The following SLC35F1 variants were observed in gnomAD, a reference collection of about 807,000 sequenced individuals.
SLC35F1 encodes the protein chromosome 6 open reading frame 169.
Under a neutral mutation model 48.7 loss-of-function variants are expected in SLC35F1, and 14 were observed. That is an observed-to-expected ratio of 0.29 (90% confidence interval 0.19 to 0.45). The LOEUF is 0.45. Ranked by LOEUF, SLC35F1 falls within the 20% of genes least tolerant of loss-of-function variation. SLC35F1 has a pLI of 1.00. For missense variants in SLC35F1, 404 were observed against 500.0 expected (o/e 0.81, Z 1.83); for synonymous variants, 190 against 202.2 (o/e 0.94, Z 0.51).
At chr6:118,033,553 C>T (rs1218373056) in intron 1 of SLC35F1, among the ~76,000 whole-genome samples, 2 of 151,370 alleles carry the variant, frequency 1.3e-5, no homozygotes, top group East Asian at 3.9e-4. Flanking sequence ...TTAAAACATC[C>T]CATTGAGGAA....
chr6:118,224,221 G>A (rs997280911), intron 2 of SLC35F1, among the ~76,000 whole-genome samples: 1 of 152,118 alleles, frequency 6.6e-6, no homozygotes, highest in Non-Finnish European at 1.5e-5. Context: ...GTATAGCCAA[G>A]CTATCATTAA....
intron 2 of SLC35F1, among the ~76,000 whole-genome samples, chr6:118,185,487 C>T (rs1032369874): frequency 6.6e-6 from 1 of 152,112 alleles, no homozygotes; most frequent in Non-Finnish European, 1.5e-5. Flanking sequence ...TATCTAGCCA[C>T]GAAATCAACA....
intron 1 of SLC35F1, among the ~76,000 whole-genome samples, chr6:117,932,143 G>T (rs1457040708): frequency 6.6e-6 from 1 of 152,130 alleles, no homozygotes; most frequent in Admixed American, 6.5e-5. Context: ...ACTGTGTGAG[G>T]ACGCAGCAAA....
At position 118,222,399 on chromosome 6, in the gene SLC35F1, C is replaced by CT. The variant is rs71272359; in HGVS notation, c.350-13099dup. Among the ~76,000 whole-genome samples the CT allele has an allele frequency of 4.3e-3, 619 of 143,814 alleles. 2 individuals carry two copies. The highest frequency in any genetic ancestry group is 0.012 in the East Asian group (60 of 4,992). The allele number at this position is 143,814 out of a possible 152,430, so 94.3% of individuals were successfully genotyped here. On this transcript the variant is annotated intron_variant, in intron 2 of 7. Transcript: ENST00000360388. The stretch of plus-strand genomic sequence containing the variant: ...ACAAAGACTTGATCAAATTTAGGTG[C>CT]TTTTTTTTTTTCTTTTTGGAACCAC...
At chr6:118,163,156 G>T (rs1774264284) in intron 2 of SLC35F1, among the ~76,000 whole-genome samples, 1 of 151,828 alleles carries the variant, frequency 6.6e-6, no homozygotes, top group Non-Finnish European at 1.5e-5. Context: ...TGGAGACGGG[G>T]TTTCACCATG....
chr6:118,236,362 C>A (rs1775365436), intron 3 of SLC35F1, among the ~76,000 whole-genome samples: 1 of 152,150 alleles, frequency 6.6e-6, no homozygotes, highest in African/African-American at 2.4e-5. Flanking sequence ...ATCTTCACTT[C>A]TTTTTATATG....
chr6:118,067,365 G>C (rs1457980850), intron 1 of SLC35F1, among the ~76,000 whole-genome samples: 1 of 152,164 alleles, frequency 6.6e-6, no homozygotes, highest in Non-Finnish European at 1.5e-5. Context: ...CAGATTAAGA[G>C]TCATCAAGGT....
chr6:118,243,373 C>T (rs1018091643), intron 3 of SLC35F1, among the ~76,000 whole-genome samples: 1 of 152,086 alleles, frequency 6.6e-6, no homozygotes, highest in Non-Finnish European at 1.5e-5. Flanking sequence ...CAGCACTTTG[C>T]GAGGCTCAGA....
Position 117,910,807 on chromosome 6 carries a change from C to T in SLC35F1, c.173+2908C>T, listed in dbSNP as rs76970128. 4.5e-4 allele frequency among the ~76,000 whole-genome samples: 69 copies of T among 152,308 alleles called. 2 individuals are homozygous for T. The East Asian group carries it at 0.013, about 29-fold the overall frequency. ...GCCTGGCGAATTGCCTGCCATTGGT[C>T]ACAGTCTACAGGAACAGCTATCTGA... is the stretch of plus-strand genomic sequence containing the variant. On this transcript the variant is annotated intron_variant, in intron 1 of 7. Transcript: ENST00000360388.
intron 2 of SLC35F1, among the ~76,000 whole-genome samples, chr6:118,201,015 G>A (rs1008814556): frequency 7.2e-5 from 11 of 152,056 alleles, no homozygotes; most frequent in African/African-American, 7.2e-5. Context: ...CCTCCTGAGC[G>A]ATCTTCCCAC....
At chr6:118,174,651 G>A (rs1329966724) in intron 2 of SLC35F1, among the ~76,000 whole-genome samples, 1 of 152,074 alleles carries the variant, frequency 6.6e-6, no homozygotes, top group Non-Finnish European at 1.5e-5. Flanking sequence ...GATAATAGCT[G>A]AGAATTTTCC....
chr6:118,030,850 T>C (rs1772034871), intron 1 of SLC35F1, among the ~76,000 whole-genome samples: 1 of 152,208 alleles, frequency 6.6e-6, no homozygotes, highest in Non-Finnish European at 1.5e-5. Context: ...CAGAGGGTCA[T>C]TTTATATTCC....
intron 1 of SLC35F1, among the ~76,000 whole-genome samples, chr6:117,914,604 G>C (rs1479457739): frequency 6.6e-6 from 1 of 152,152 alleles, no homozygotes; most frequent in Non-Finnish European, 1.5e-5. Flanking sequence ...GGCTAGTATG[G>C]CCTCTGGGTG....
intron 2 of SLC35F1, among the ~76,000 whole-genome samples, chr6:118,214,620 TAA>T (rs2114553722): frequency 6.6e-6 from 1 of 152,290 alleles, no homozygotes; most frequent in South Asian, 2.1e-4. Context: ...ATACAATTAA[TAA>T]GTCAAGCACA....
chr6:118,277,649 T>A, intron 6 of SLC35F1, 103 bp downstream of exon 6: 1 of 971,440 alleles, frequency 1.0e-6, no homozygotes, highest in Non-Finnish European at 1.7e-6. Flanking sequence ...GGATTTAGAG[T>A]GGTAGGGGAC....
intron 1 of SLC35F1, among the ~76,000 whole-genome samples, chr6:117,997,658 C>T (rs1191227533): frequency 6.6e-6 from 1 of 152,204 alleles, no homozygotes; most frequent in Non-Finnish European, 1.5e-5. Flanking sequence ...CCCAGAATTT[C>T]ATATCCAGCC....
intron 2 of SLC35F1, among the ~76,000 whole-genome samples, chr6:118,216,256 A>T (rs1333224823): frequency 3.3e-5 from 5 of 150,228 alleles, no homozygotes; most frequent in East Asian, 2.0e-4. Context: ...TTTTTTTTTT[A>T]ATTTTTGTAG....
At chr6:118,021,485 T>C (rs1777392991) in intron 1 of SLC35F1, among the ~76,000 whole-genome samples, 1 of 152,156 alleles carries the variant, frequency 6.6e-6, no homozygotes, top group South Asian at 2.1e-4. Flanking sequence ...GGCTTGTTCT[T>C]GGCAGACCTG....
At chr6:118,114,619 A>G (rs143867638) in intron 1 of SLC35F1, among the ~76,000 whole-genome samples, 5,665 of 151,754 alleles carry the variant, frequency 0.037, 354 homozygotes, top group African/African-American at 0.13. Flanking sequence ...CTCGTGATCC[A>G]CCCACCTTGG....
Sources: allele counts gnomAD v4.1 joint callset (sites outside exome capture counted in the v4.1 genomes callset), GRCh38; gene constraint gnomAD v4.1.1; transcripts MANE v1.5; gene names NCBI Gene and HGNC (gene_info 2026-07-23, HGNC 2026-07-21).